Variants in KCNJ6 observed in about 807,000 individuals in gnomAD.
The protein encoded by KCNJ6 is G protein-activated inward rectifier potassium channel 2.
A neutral mutation model predicts 34.2 loss-of-function variants in KCNJ6; 9 were observed. The observed-to-expected ratio is 0.26, with a 90% CI of 0.16 to 0.46. The LOEUF (loss-of-function observed/expected upper bound fraction) is 0.46. KCNJ6 is among the 20% of genes least tolerant of loss of function. The pLI is 1.00. For synonymous variants in KCNJ6, 196 were observed against 207.1 expected (o/e 0.95, Z 0.46); for missense variants, 236 against 531.3 (o/e 0.44, Z 5.46).
At chr21:37,902,340 A>C (rs2055820909) in intron 1 of KCNJ6, among the ~76,000 whole-genome samples, 1 of 152,198 alleles carries the variant, frequency 6.6e-6, no homozygotes, top group Non-Finnish European at 1.5e-5. Context: ...TGCCAGTACA[A>C]GTTACTAAGA....
intron 1 of KCNJ6, among the ~76,000 whole-genome samples, chr21:37,872,039 GAGA>G (rs2055655022): frequency 1.3e-5 from 2 of 152,136 alleles, no homozygotes; most frequent in Admixed American, 1.3e-4. Flanking sequence ...GGGATTGTGG[GAGA>G]AGGTTGGTTA....
chr21:37,840,045 C>A (rs958610279), intron 2 of KCNJ6, among the ~76,000 whole-genome samples: 1 of 152,136 alleles, frequency 6.6e-6, no homozygotes, highest in South Asian at 2.1e-4. Flanking sequence ...GTGATCTGCC[C>A]GCCTCAGCCT....
chr21:37,824,601 G>T (rs946537502), intron 2 of KCNJ6, among the ~76,000 whole-genome samples: 7 of 152,044 alleles, frequency 4.6e-5, no homozygotes, highest in African/African-American at 1.7e-4. Flanking sequence ...TTTGATCATG[G>T]GGGCATTTTC....
intron 1 of KCNJ6, among the ~76,000 whole-genome samples, chr21:37,854,447 T>A (rs185035576): frequency 9.9e-4 from 151 of 152,254 alleles, no homozygotes; most frequent in Non-Finnish European, 1.7e-3. Context: ...GCTAAAAAAT[T>A]GATCTAATGG....
At chr21:37,828,328 C>A (rs963076872) in intron 2 of KCNJ6, among the ~76,000 whole-genome samples, 1 of 152,178 alleles carries the variant, frequency 6.6e-6, no homozygotes, top group Admixed American at 6.5e-5. Context: ...GAGGAGGTGG[C>A]TTTCTCCCAC....
intron 2 of KCNJ6, among the ~76,000 whole-genome samples, chr21:37,813,629 G>T (rs2055333079): frequency 6.6e-6 from 1 of 152,160 alleles, no homozygotes; most frequent in Non-Finnish European, 1.5e-5. Context: ...TTTCAACAAA[G>T]TTGCTGATAA....
intron 1 of KCNJ6, among the ~76,000 whole-genome samples, chr21:37,903,841 A>T (rs2055828570): frequency 6.6e-6 from 1 of 152,240 alleles, no homozygotes; most frequent in African/African-American, 2.4e-5. Flanking sequence ...CAAGTAGTCA[A>T]ATGAGGTTAT....
Position 37,655,223 on chromosome 21 carries a change from GT to G in KCNJ6, c.947-29740del, listed in dbSNP as rs1556014747. On this transcript the variant is annotated intron_variant, in intron 3 of 3. Coordinates refer to ENST00000609713, the MANE Select transcript of KCNJ6 (RefSeq NM_002240.5). The stretch of plus-strand genomic sequence containing the variant: ...TGTGTGTGTGTGTGTGTGTGTGTGT[GT>G]GAGAGAGAGAGAGAGAGAGAGAGAG... Among the ~76,000 whole-genome samples, 84 of 10,222 alleles carry G rather than the reference GT, an allele frequency of 8.2e-3. 5 individuals are homozygous for G. The highest frequency in any genetic ancestry group is 0.039 in the East Asian group (12 of 310). 6.7% of individuals were successfully genotyped at this position (10,222 alleles called of 152,430 possible). A position where few individuals can be genotyped will look rare whatever the true frequency, so the allele number is the denominator to read the frequency against.
chr21:37,791,496 A>G (rs2055216788), intron 2 of KCNJ6, among the ~76,000 whole-genome samples: 1 of 152,220 alleles, frequency 6.6e-6, no homozygotes. Flanking sequence ...AGGTTTCAAG[A>G]GCCCCTTTAG....
intron 1 of KCNJ6, among the ~76,000 whole-genome samples, chr21:37,907,674 C>G (rs2055848232): frequency 6.6e-6 from 1 of 152,156 alleles, no homozygotes; most frequent in Non-Finnish European, 1.5e-5. Context: ...ACTGCTGGGT[C>G]CCACTTTTAT....
intron 3 of KCNJ6, among the ~76,000 whole-genome samples, chr21:37,672,171 C>T (rs1239167295): frequency 6.6e-6 from 1 of 152,094 alleles, no homozygotes; most frequent in Non-Finnish European, 1.5e-5. Flanking sequence ...CCATAGAGCT[C>T]ATCTGCTTGT....
chr21:37,738,885 C>T (rs2054926029), intron 2 of KCNJ6, among the ~76,000 whole-genome samples: 1 of 152,198 alleles, frequency 6.6e-6, no homozygotes, highest in African/African-American at 2.4e-5. Flanking sequence ...CAAACAAAAA[C>T]ATCCTCTTTA....
chr21:37,637,355 A>G (rs935862803), intron 3 of KCNJ6, among the ~76,000 whole-genome samples: 2 of 152,222 alleles, frequency 1.3e-5, no homozygotes, highest in African/African-American at 4.8e-5. Context: ...AGGGCCAGTG[A>G]GGGTCACCTC....
At chr21:37,877,339 A>C (rs535490060) in intron 1 of KCNJ6, among the ~76,000 whole-genome samples, 145 of 152,278 alleles carry the variant, frequency 9.5e-4, no homozygotes, top group African/African-American at 3.3e-3. Flanking sequence ...ACAGGTCAAC[A>C]GTTGGTAGGA....
chr21:37,675,050 G>A lies in KCNJ6; in HGVS notation c.946+39161C>T, dbSNP rs2054558516. ...CAGGTGGACTCATGCAGTCCTGCTC[G>A]GAGCTCCTCTGCTGCTCCGGGTTTG... On this transcript the variant is annotated intron_variant, in intron 3 of 3. Coordinates refer to ENST00000609713, the MANE Select transcript of KCNJ6 (RefSeq NM_002240.5). This position sits in a 1 kb window ranked among gnomAD's most constrained non-coding sequence, Gnocchi z 4.2. Among the ~76,000 whole-genome samples, 3 of 152,106 alleles carry A rather than the reference G, an allele frequency of 2.0e-5. No individual in the cohort carries two copies. The highest frequency in any genetic ancestry group is 2.1e-4 in the South Asian group (1 of 4,824).
At chr21:37,881,700 C>G (rs1416843321) in intron 1 of KCNJ6, among the ~76,000 whole-genome samples, 1 of 152,174 alleles carries the variant, frequency 6.6e-6, no homozygotes, top group Admixed American at 6.5e-5. Context: ...CTAAGACCAC[C>G]TATCCTATTG....
At chr21:37,626,343 A>G (rs1215807256) in intron 3 of KCNJ6, among the ~76,000 whole-genome samples, 1 of 152,098 alleles carries the variant, frequency 6.6e-6, no homozygotes, top group Non-Finnish European at 1.5e-5. Flanking sequence ...CGTGTTGCCC[A>G]GGCTGTTTAT....
At chr21:37,823,692 T>G (rs563388641) in intron 2 of KCNJ6, among the ~76,000 whole-genome samples, 12 of 152,226 alleles carry the variant, frequency 7.9e-5, no homozygotes, top group Admixed American at 6.5e-4. Flanking sequence ...TCCCCAGCCA[T>G]GTGGAACTGT....
intron 3 of KCNJ6, among the ~76,000 whole-genome samples, chr21:37,709,239 C>T (rs1042564288): frequency 3.3e-5 from 5 of 152,178 alleles, no homozygotes; most frequent in African/African-American, 7.2e-5. Context: ...TGACTGGGCG[C>T]GGTGGCTCAC....
Sources: gnomAD v4.1 joint callset for allele counts (sites outside exome capture counted in the v4.1 genomes callset) on GRCh38, gnomAD v4.1.1 for gene constraint, Gnocchi (gnomAD v3.1) non-coding constraint, MANE v1.5 for transcripts, NCBI Gene and HGNC (gene_info 2026-07-23, HGNC 2026-07-21) for gene names.